USP14: variants seen among roughly 807,000 people sequenced by gnomAD.
USP14 encodes the protein ubiquitin carboxyl-terminal hydrolase 14.
USP14 carries 38 observed loss-of-function variants against 76.5 expected under a neutral mutation model. The observed-to-expected ratio is 0.50, with a 90% CI of 0.38 to 0.65. The LOEUF (loss-of-function observed/expected upper bound fraction) is 0.65, where lower values mean the gene tolerates loss of function less well. Among genes scored for constraint, USP14 ranks in the 30% least tolerant of loss-of-function variants. USP14 has a pLI of 0.00. For synonymous variants in USP14, 192 were observed against 191.7 expected (o/e 1.00, Z -0.01); for missense variants, 467 against 586.5 (o/e 0.80, Z 2.10).
intron 3 of USP14, among the ~76,000 whole-genome samples, chr18:174,217 A>C (rs999778842): frequency 6.6e-6 from 1 of 151,194 alleles, no homozygotes; most frequent in Middle Eastern, 3.2e-3. Flanking sequence ...CAATGTTGGG[A>C]CTTACACATA....
At chr18:163,849 C>T (rs1056559317) in intron 2 of USP14, among the ~76,000 whole-genome samples, 6 of 151,342 alleles carry the variant, frequency 4.0e-5, no homozygotes, top group African/African-American at 1.5e-4. Flanking sequence ...TCTTCCTCCT[C>T]CCACTCTCCA....
Position 211,234 on chromosome 18 carries a change from C to T in USP14, c.1435C>T (p.Leu479Phe), listed in dbSNP as rs1370193064. ...GGDWHIAYVL[L>F]YGPRRVEIME... ...AGACTGGCATATCGCTTACGTTCTACTCTATGGGCCTCGCAGAGTTGAAAT... is the reference window on the plus strand; with the variant it reads ...AGACTGGCATATCGCTTACGTTCTATTCTATGGGCCTCGCAGAGTTGAAAT... The change falls in exon 16 of 16, where the codon CTC becomes TTC. Residue 479 changes from leucine (L) to phenylalanine (F), a missense_variant. Coordinates refer to ENST00000261601, the MANE Select transcript of USP14 (RefSeq NM_005151.4). The T allele has an allele frequency of 6.2e-7, 1 of 1,613,752 alleles. No homozygotes were observed. Among genetic ancestry groups the T allele is most frequent in the African/African-American group, 1.3e-5 (1 of 74,926 alleles).
Position 211,301 on chromosome 18 carries a change from T to C in USP14, c.*17T>C. The stretch of plus-strand genomic sequence containing the variant: ...GAACAGTAATCTTCATTTTAGTATT[T>C]ATGCTTAGATGTGAAAATAAATGTT... On this transcript the variant is annotated 3_prime_UTR_variant, in exon 16 of 16. Coordinates refer to ENST00000261601, the MANE Select transcript of USP14 (RefSeq NM_005151.4). 6.3e-7 allele frequency: 1 copy of C among 1,593,080 alleles called. No individual in the cohort carries two copies. The highest frequency in any genetic ancestry group is 8.6e-7 in the Non-Finnish European group (1 of 1,166,214).
chr18:173,357 C>T (rs543483427), intron 3 of USP14, among the ~76,000 whole-genome samples: 25 of 151,796 alleles, frequency 1.6e-4, no homozygotes, highest in Admixed American at 5.3e-4. Context: ...GTGATCAGCC[C>T]GCCTTGGCCT....
At chr18:165,287 C>G (rs180920667) in intron 2 of USP14, among the ~76,000 whole-genome samples, 1 of 152,250 alleles carries the variant, frequency 6.6e-6, no homozygotes, top group African/African-American at 2.4e-5. Flanking sequence ...TTAAAAAATA[C>G]TTCCTTCAAG....
At chr18:171,495 C>T (rs1439798698) in intron 3 of USP14, among the ~76,000 whole-genome samples, 1 of 152,112 alleles carries the variant, frequency 6.6e-6, no homozygotes, top group Non-Finnish European at 1.5e-5. Flanking sequence ...GTATGGAGTA[C>T]TGAATATTTT....
chr18:169,140 C>G (rs1422905915), intron 3 of USP14, among the ~76,000 whole-genome samples: 3 of 149,932 alleles, frequency 2.0e-5, no homozygotes, highest in Non-Finnish European at 4.4e-5. Context: ...CCTGTAATCC[C>G]AGCACTTTGG....
At chr18:162,654 A>G (rs571364950) in intron 1 of USP14, among the ~76,000 whole-genome samples, 10 of 152,220 alleles carry the variant, frequency 6.6e-5, no homozygotes, top group South Asian at 4.1e-4. Flanking sequence ...TGATTCTTCA[A>G]TTAAACACAT....
chr18:166,137 C>T (rs1410377685), intron 2 of USP14, among the ~76,000 whole-genome samples: 12 of 152,168 alleles, frequency 7.9e-5, no homozygotes, highest in Non-Finnish European at 5.9e-5. Context: ...TGGTTCCAAA[C>T]ATCCAAAAAA....
chr18:177,244 T>C (rs1317813506), intron 3 of USP14, among the ~76,000 whole-genome samples: 1 of 152,006 alleles, frequency 6.6e-6, no homozygotes, highest in Non-Finnish European at 1.5e-5. Flanking sequence ...TAGTTGGCTC[T>C]TGAGACAGTT....
Position 210,475 on chromosome 18 carries a change from TG to T in USP14, c.1318del (p.Val440Ter). 2 of 1,608,534 alleles carry T rather than the reference TG, an allele frequency of 1.2e-6. No homozygotes were observed. Among genetic ancestry groups the T allele is most frequent in the Non-Finnish European group, 1.7e-6 (2 of 1,176,534 alleles). On this transcript the variant is annotated frameshift_variant, in exon 15 of 16. Transcript: ENST00000261601. LOFTEE classifies it high-confidence loss of function. Reference protein sequence around the residue: ...RSSSSGHYVSWVKRKQDEWIK... With the variant: ...RSSSSGHYVSXVKRKQDEWIK... Reference sequence around the variant, plus strand: ...TAGTTCTTCAGGTCATTATGTATCATGGGTGAAAAGGAAACAAGGTAAAGGG... The same window carrying T: ...TAGTTCTTCAGGTCATTATGTATCATGGTGAAAAGGAAACAAGGTAAAGGG...
intron 5 of USP14, 92 bp downstream of exon 5, chr18:180,431 ATAAT>A (rs1288799263): frequency 9.4e-6 from 7 of 743,372 alleles, no homozygotes; most frequent in Non-Finnish European, 1.6e-5. Context: ...TAATTGAGAT[ATAAT>A]TAATTTATTA....
intron 5 of USP14, among the ~76,000 whole-genome samples, chr18:184,769 A>AAAAAT (rs1019975368): frequency 1.3e-5 from 2 of 152,174 alleles, no homozygotes; most frequent in Non-Finnish European, 2.9e-5. Context: ...CCCTGTCTCA[A>AAAAAT]AAAATAAAAT....
At chr18:206,258 G>C (rs914107896) in intron 13 of USP14, among the ~76,000 whole-genome samples, 2 of 152,206 alleles carry the variant, frequency 1.3e-5, no homozygotes, top group African/African-American at 4.8e-5. Context: ...CCATTGGATA[G>C]GTTTATAGTG....
intron 13 of USP14, among the ~76,000 whole-genome samples, chr18:209,317 C>G (rs1437797337): frequency 6.6e-6 from 1 of 152,176 alleles, no homozygotes; most frequent in Non-Finnish European, 1.5e-5. Context: ...GCCATCACAG[C>G]TACCTGTAAG....
At position 191,296 on chromosome 18, in the gene USP14, C is replaced by T. The variant is rs141608523; in HGVS notation, c.405-1546C>T. On this transcript the variant is annotated intron_variant, in intron 5 of 15. Coordinates refer to ENST00000261601, the MANE Select transcript of USP14 (RefSeq NM_005151.4). ...AAATTCGTTGAGTCACATCAGTTTC[C>T]GAAAGATGCAAACAAATGAAAAAGG... Among the ~76,000 whole-genome samples the T allele has an allele frequency of 4.6e-3, 705 of 152,086 alleles. 6 individuals are homozygous for T. The highest frequency in any genetic ancestry group is 7.7e-3 in the Non-Finnish European group (525 of 67,966).
At chr18:198,972 A>G (rs997989348) in intron 9 of USP14, among the ~76,000 whole-genome samples, 1 of 152,196 alleles carries the variant, frequency 6.6e-6, no homozygotes, top group Admixed American at 6.5e-5. Flanking sequence ...TTTAGAGTTT[A>G]TTGCAGTTTA....
intron 2 of USP14, among the ~76,000 whole-genome samples, chr18:164,643 G>T (rs541476153): frequency 1.3e-5 from 2 of 152,002 alleles, no homozygotes; most frequent in African/African-American, 4.8e-5. Flanking sequence ...TAGTAGAGAT[G>T]GGGTTTCACC....
intron 15 of USP14, among the ~76,000 whole-genome samples, chr18:210,744 ATGAG>A (rs1333201403): frequency 6.6e-6 from 1 of 152,228 alleles, no homozygotes; most frequent in Non-Finnish European, 1.5e-5. Flanking sequence ...TAAAAACAAA[ATGAG>A]TGAGAAATGG....
Sources: allele counts gnomAD v4.1 joint callset (sites outside exome capture counted in the v4.1 genomes callset), GRCh38; gene constraint gnomAD v4.1.1; transcripts MANE v1.5; gene names NCBI Gene and HGNC (gene_info 2026-07-23, HGNC 2026-07-21).